The following RPS6KA5 variants were observed in gnomAD, a reference collection of about 807,000 sequenced individuals.
RPS6KA5 encodes the protein ribosomal protein S6 kinase A5, also known as ribosomal protein S6 kinase alpha-5.
Under a neutral mutation model 85.5 loss-of-function variants are expected in RPS6KA5, and 27 were observed. That is an observed-to-expected ratio of 0.32 (90% confidence interval 0.23 to 0.44). The LOEUF (loss-of-function observed/expected upper bound fraction) is 0.44. Ranked by LOEUF, RPS6KA5 falls within the 20% of genes least tolerant of loss-of-function variation. The pLI is 1.00. For synonymous variants in RPS6KA5, 334 were observed against 348.2 expected (o/e 0.96, Z 0.46); for missense variants, 811 against 980.9 (o/e 0.83, Z 2.31).
At chr14:90,978,739 G>A (rs962820358) in intron 2 of RPS6KA5, among the ~76,000 whole-genome samples, 31 of 152,026 alleles carry the variant, frequency 2.0e-4, no homozygotes, top group Non-Finnish European at 1.0e-4. Context: ...TCTAACCACT[G>A]ATGACAAAAT....
chr14:90,974,037 C>CAAAAAAAAA (rs56212923), intron 3 of RPS6KA5, among the ~76,000 whole-genome samples: 714 of 61,322 alleles, frequency 0.012, 72 homozygotes, highest in Admixed American at 0.049. Flanking sequence ...GACTCCATCT[C>CAAAAAAAAA]AAAAAAAAAA....
At chr14:91,043,585 G>A (rs1472782282) in intron 1 of RPS6KA5, among the ~76,000 whole-genome samples, 1 of 152,076 alleles carries the variant, frequency 6.6e-6, no homozygotes, top group Non-Finnish European at 1.5e-5. Flanking sequence ...CACTTCACTG[G>A]GTTGCTGTTT....
chr14:90,999,001 G>C (rs2040655935), intron 2 of RPS6KA5, among the ~76,000 whole-genome samples: 1 of 152,152 alleles, frequency 6.6e-6, no homozygotes, highest in Admixed American at 6.5e-5. Context: ...AGGCTGAGGA[G>C]GGTGGATCAC....
In RPS6KA5 at chr14:90,882,557, C is replaced by T. The variant is rs866443007; in HGVS notation, c.1837-7197G>A. 1.4e-4 allele frequency among the ~76,000 whole-genome samples: 22 copies of T among 152,258 alleles called. No homozygotes were observed. The South Asian group carries it at 2.1e-3, about 14-fold the overall frequency. ...CCCTTGAGCATTTCTTACAGAGCGG[C>T]GTTAGTGGTAATGAAGTAATGAACT... On this transcript the variant is annotated intron_variant, in intron 14 of 16. Coordinates refer to ENST00000614987, the MANE Select transcript of RPS6KA5 (RefSeq NM_004755.4).
intron 7 of RPS6KA5, among the ~76,000 whole-genome samples, chr14:90,908,965 G>A (rs766922915): frequency 3.3e-5 from 5 of 152,334 alleles, no homozygotes; most frequent in Admixed American, 1.3e-4. Context: ...GGGAAGCCAC[G>A]CATAGGTGGT....
chr14:90,981,234 A>G (rs1230755454), intron 2 of RPS6KA5, among the ~76,000 whole-genome samples: 2 of 152,198 alleles, frequency 1.3e-5, no homozygotes, highest in Admixed American at 6.5e-5. Context: ...TTGTCCTTCT[A>G]TATCCTCTGG....
chr14:90,967,882 C>T (rs959329803), intron 3 of RPS6KA5, among the ~76,000 whole-genome samples: 5 of 152,180 alleles, frequency 3.3e-5, no homozygotes, highest in Non-Finnish European at 7.4e-5. Context: ...CTAAATCCCA[C>T]GTGTCCCATC....
intron 6 of RPS6KA5, among the ~76,000 whole-genome samples, chr14:90,922,553 T>A (rs984813115): frequency 3.3e-5 from 5 of 152,218 alleles, no homozygotes; most frequent in African/African-American, 1.2e-4. Context: ...GGTTCAAACA[T>A]TCTCCTTCCT....
chr14:91,004,893 G>A (rs752842107), intron 1 of RPS6KA5, among the ~76,000 whole-genome samples: 1 of 151,892 alleles, frequency 6.6e-6, no homozygotes, highest in Non-Finnish European at 1.5e-5. Context: ...GCCTGAACCC[G>A]GGAGGCGGAG....
intron 14 of RPS6KA5, among the ~76,000 whole-genome samples, chr14:90,890,152 T>C (rs773840341): frequency 2.4e-4 from 36 of 152,226 alleles, no homozygotes; most frequent in Non-Finnish European, 4.3e-4. Context: ...TTAAAAATGT[T>C]TTTCTATTGA....
intron 5 of RPS6KA5, among the ~76,000 whole-genome samples, chr14:90,940,697 G>T (rs2037525501): frequency 6.6e-6 from 1 of 152,102 alleles, no homozygotes. Context: ...CTAACCCCCA[G>T]GCCATGGACA....
chr14:90,929,430 G>T (rs2036856289), intron 5 of RPS6KA5, among the ~76,000 whole-genome samples: 1 of 152,144 alleles, frequency 6.6e-6, no homozygotes, highest in African/African-American at 2.4e-5. Flanking sequence ...AGAATTCAAT[G>T]TTTTATGTAT....
intron 5 of RPS6KA5, among the ~76,000 whole-genome samples, chr14:90,938,165 T>A (rs146593903): frequency 6.6e-6 from 1 of 152,332 alleles, no homozygotes; most frequent in East Asian, 1.9e-4. Context: ...ACAGGTCCCA[T>A]GCAAGTCCAA....
intron 1 of RPS6KA5, among the ~76,000 whole-genome samples, chr14:91,040,359 G>T (rs2042560664): frequency 6.6e-6 from 1 of 152,236 alleles, no homozygotes; most frequent in Non-Finnish European, 1.5e-5. Flanking sequence ...AGTGAGCCGA[G>T]ATCATGCCAC....
intron 3 of RPS6KA5, among the ~76,000 whole-genome samples, chr14:90,955,239 G>C (rs1410217933): frequency 6.6e-6 from 1 of 152,078 alleles, no homozygotes; most frequent in East Asian, 1.9e-4. Flanking sequence ...TTAGTATGTA[G>C]TGTCTTCATT....
intron 1 of RPS6KA5, among the ~76,000 whole-genome samples, chr14:91,056,867 CTTTTTTTT>C (rs34807092): frequency 0.025 from 959 of 38,904 alleles, 18 homozygotes; most frequent in African/African-American, 0.082. Context: ...GCAGTATTAT[CTTTTTTTT>C]TTTTTTTTTT....
intron 1 of RPS6KA5, among the ~76,000 whole-genome samples, chr14:91,033,344 G>C (rs2042268488): frequency 6.6e-6 from 1 of 152,160 alleles, no homozygotes; most frequent in Admixed American, 6.5e-5. Context: ...GCCGGGCACT[G>C]TGGCTCACAC....
intron 1 of RPS6KA5, among the ~76,000 whole-genome samples, chr14:91,043,582 C>T (rs529842854): frequency 6.6e-6 from 1 of 152,284 alleles, no homozygotes; most frequent in African/African-American, 2.4e-5. Context: ...TCTCACTTCA[C>T]TGGGTTGCTG....
intron 3 of RPS6KA5, among the ~76,000 whole-genome samples, 181 bp from the exon 4 acceptor site, chr14:90,947,731 A>G (rs765999577): frequency 7.9e-5 from 12 of 152,246 alleles, no homozygotes; most frequent in Non-Finnish European, 1.6e-4. Flanking sequence ...GTTTCGCAAA[A>G]TAATGATTAC....
Sources: allele counts gnomAD v4.1 joint callset (sites outside exome capture counted in the v4.1 genomes callset), GRCh38; gene constraint gnomAD v4.1.1; transcripts MANE v1.5; gene names NCBI Gene and HGNC (gene_info 2026-07-23, HGNC 2026-07-21).